ANKFY1: variants seen among roughly 807,000 people sequenced by gnomAD.
The protein encoded by ANKFY1 is ankyrin repeat and FYVE domain containing 1.
In ANKFY1, 47 loss-of-function variants were observed where a neutral mutation model predicts 128.3. The observed-to-expected ratio is 0.37, with a 90% CI of 0.29 to 0.47. The LOEUF is 0.47. ANKFY1 is among the 20% of genes least tolerant of loss of function. The pLI, the probability that ANKFY1 is intolerant of heterozygous loss-of-function variation, is 1.00. For missense variants in ANKFY1, 1,222 were observed against 1,510.6 expected, an observed-to-expected ratio of 0.81 and a Z score of 3.17; for synonymous variants, 553 against 601.6, an observed-to-expected ratio of 0.92 and a Z score of 1.18.
At chr17:4,203,674 G>C (rs1163175064) in intron 7 of ANKFY1, among the ~76,000 whole-genome samples, 1 of 151,652 alleles carries the variant, frequency 6.6e-6, no homozygotes, top group Non-Finnish European at 1.5e-5. Context: ...AATTAGCCGG[G>C]CGTGGTGGCA....
At chr17:4,182,501 A>C in intron 14 of ANKFY1, 152 bp from the exon 15 acceptor site, 1 of 591,670 alleles carries the variant, frequency 1.7e-6, no homozygotes, top group South Asian at 5.5e-5. Context: ...TAAATGTGAA[A>C]ATAGTGTCTG....
intron 21 of ANKFY1, among the ~76,000 whole-genome samples, 186 bp from the exon 22 acceptor site, chr17:4,172,866 T>G (rs2059346275): frequency 6.6e-6 from 1 of 152,254 alleles, no homozygotes; most frequent in South Asian, 2.1e-4. Context: ...AAAAGTTTTT[T>G]TGTTTGTTTT....
intron 11 of ANKFY1, chr17:4,186,765 G>T (rs4790587): frequency 8.2e-5 from 79 of 962,150 alleles, no homozygotes; most frequent in Non-Finnish European, 9.5e-5. Flanking sequence ...TTCTTCCTAC[G>T]CATTCTCCTT....
intron 1 of ANKFY1, among the ~76,000 whole-genome samples, chr17:4,251,753 C>G (rs978701997): frequency 6.6e-6 from 1 of 151,826 alleles, no homozygotes; most frequent in African/African-American, 2.4e-5. Context: ...AAACATCCAA[C>G]AAAAAACGCC....
In ANKFY1 at chr17:4,173,416, C is replaced by A; in HGVS notation, c.2952G>T (p.Arg984=). ...NALHLAVMHG[R]LNNIRVLLTE... ...TCAGGAGAACCCGGATGTTGTTGAG[C>A]CGGCCGTGCATGACAGCAAGATGAA... Residue 984 remains arginine (R), a synonymous_variant, in exon 21 of 25, where the codon CGG becomes CGT. Coordinates refer to ENST00000341657, the MANE Select transcript of ANKFY1 (RefSeq NM_001330063.2). 6.2e-7 allele frequency: 1 copy of A among 1,614,174 alleles called. No homozygotes were observed. The highest frequency in any genetic ancestry group is 1.6e-4 in the Middle Eastern group (1 of 6,062).
intron 3 of ANKFY1, among the ~76,000 whole-genome samples, chr17:4,229,030 T>C (rs1262665751): frequency 6.6e-6 from 1 of 152,164 alleles, no homozygotes; most frequent in East Asian, 1.9e-4. Context: ...ATTATTACAA[T>C]AGACTATTTA....
chr17:4,179,968 A>G (rs1276134127), intron 16 of ANKFY1, 91 bp from the exon 17 acceptor site: 2 of 1,509,422 alleles, frequency 1.3e-6, no homozygotes, highest in Non-Finnish European at 1.8e-6. Flanking sequence ...AGCCTCATCC[A>G]ATCCAACAGC....
intron 3 of ANKFY1, among the ~76,000 whole-genome samples, chr17:4,233,716 TA>T (rs2060553506): frequency 6.6e-6 from 1 of 152,212 alleles, no homozygotes; most frequent in African/African-American, 2.4e-5. Context: ...ACCTTATATA[TA>T]AGCTAACTAC....
At chr17:4,177,559 C>A (rs1567911746) in intron 18 of ANKFY1, among the ~76,000 whole-genome samples, 1 of 152,162 alleles carries the variant, frequency 6.6e-6, no homozygotes, top group Admixed American at 6.5e-5. Flanking sequence ...GTGGCAGCCT[C>A]CTGTAGTAGG....
intron 5 of ANKFY1, 53 bp downstream of exon 5, chr17:4,209,771 G>C: frequency 1.3e-6 from 2 of 1,551,224 alleles, no homozygotes; most frequent in Non-Finnish European, 1.8e-6. Flanking sequence ...CCCCAGCGGC[G>C]GTCTCCTGAC....
intron 2 of ANKFY1, among the ~76,000 whole-genome samples, chr17:4,240,172 C>T (rs1423344529): frequency 6.7e-6 from 1 of 149,706 alleles, no homozygotes; most frequent in Non-Finnish European, 1.5e-5. Context: ...TCAAGCGATT[C>T]TCCTGCCTCA....
At chr17:4,195,287 TAG>T in intron 9 of ANKFY1, 110 bp from the exon 10 acceptor site, 3 of 1,440,428 alleles carry the variant, frequency 2.1e-6, no homozygotes, top group Admixed American at 2.0e-5. Context: ...CATTTTTTTT[TAG>T]CTCACTTTAA....
chr17:4,230,154 C>T (rs1377823618), intron 3 of ANKFY1, among the ~76,000 whole-genome samples: 6 of 152,316 alleles, frequency 3.9e-5, no homozygotes, highest in Admixed American at 2.6e-4. Context: ...CACAGCTCCC[C>T]GAGTACACAG....
chr17:4,170,686 A>T lies in ANKFY1; in HGVS notation c.3286+29T>A, dbSNP rs1380595899. 1.9e-6 allele frequency: 3 copies of T among 1,590,032 alleles called. No individual in the cohort carries two copies. The African/African-American group carries it at 4.0e-5, about 21-fold the overall frequency. On this transcript the variant is annotated intron_variant, in intron 23 of 24. Coordinates refer to ENST00000341657, the MANE Select transcript of ANKFY1 (RefSeq NM_001330063.2). ...ATCCCAACACTACGACTGTGCTTGC[A>T]CTGTGAGAGCAGAGAGCGGGCCACT...
intron 3 of ANKFY1, 63 bp from the exon 4 acceptor site, chr17:4,217,181 G>A (rs755007840): frequency 1.7e-5 from 27 of 1,570,344 alleles, no homozygotes; most frequent in Non-Finnish European, 2.3e-5. Flanking sequence ...CTTTCTCAAG[G>A]GATCCCTAAA....
chr17:4,209,314 G>A (rs952686176), intron 5 of ANKFY1, among the ~76,000 whole-genome samples: 18 of 152,098 alleles, frequency 1.2e-4, no homozygotes, highest in Non-Finnish European at 2.5e-4. Context: ...TTTTTGGGGG[G>A]GCGGGAGACG....
rs368058801 is a variant in ANKFY1, at chr17:4,195,371, G to A, written c.1172+32C>T. The A allele has an allele frequency of 1.5e-4, 242 of 1,600,976 alleles. No homozygotes were observed. Among genetic ancestry groups the A allele is most frequent in the Middle Eastern group, 3.3e-4 (2 of 6,058 alleles). On this transcript the variant is annotated intron_variant, in intron 9 of 24. Coordinates refer to ENST00000341657, the MANE Select transcript of ANKFY1 (RefSeq NM_001330063.2). ...TCACTCACAATCCCCCCTCACAACC[G>A]CCTTCTCACTTGTGCGTGTCTCCCT...
chr17:4,216,141 A>T (rs1453470881), intron 4 of ANKFY1, among the ~76,000 whole-genome samples: 1 of 152,238 alleles, frequency 6.6e-6, no homozygotes, highest in African/African-American at 2.4e-5. Context: ...CCTCCTGGGA[A>T]AACACCAGCC....
chr17:4,241,959 G>A (rs1426912216), intron 2 of ANKFY1, among the ~76,000 whole-genome samples: 1 of 151,728 alleles, frequency 6.6e-6, no homozygotes, highest in Non-Finnish European at 1.5e-5. Flanking sequence ...CACGGTGGTG[G>A]GCACCTGTAG....
Sources: allele counts gnomAD v4.1 joint callset (sites outside exome capture counted in the v4.1 genomes callset), GRCh38; gene constraint gnomAD v4.1.1; transcripts MANE v1.5; gene names NCBI Gene and HGNC (gene_info 2026-07-23, HGNC 2026-07-21).